STK24: variants seen among roughly 807,000 people sequenced by gnomAD.
STK24 encodes serine/threonine-protein kinase 24.
STK24 carries 21 observed loss-of-function variants against 55.6 expected under a neutral mutation model. The ratio of observed to expected loss-of-function variants is 0.38; its 90% CI spans 0.27 to 0.54. The LOEUF is 0.54. Ranked by LOEUF, STK24 falls within the 20% of genes least tolerant of loss-of-function variation. STK24 has a pLI of 0.79. For missense variants in STK24, 383 were observed against 538.4 expected (o/e 0.71, Z 2.86); for synonymous variants, 200 against 215.2 (o/e 0.93, Z 0.62).
intron 1 of STK24, among the ~76,000 whole-genome samples, chr13:98,529,754 T>C (rs1269902055): frequency 6.6e-6 from 1 of 152,086 alleles, no homozygotes; most frequent in African/African-American, 2.4e-5. Flanking sequence ...GTTGGGGTCC[T>C]AACACGAGGC....
At chr13:98,508,178 A>T (rs1398644757) in intron 2 of STK24, among the ~76,000 whole-genome samples, 6 of 152,280 alleles carry the variant, frequency 3.9e-5, no homozygotes, top group African/African-American at 9.6e-5. Flanking sequence ...AAAAAAAATA[A>T]ATATATTTGT....
Position 98,568,150 on chromosome 13 carries a change from T to C in STK24, c.42+8595A>G, listed in dbSNP as rs564587126. On this transcript the variant is annotated intron_variant, in intron 1 of 10. Transcript: ENST00000539966. ...TAGCTGGGATTACAGGCGTGTATCA[T>C]CACGCCTGGCTAATTTTTGTGTTTT... 9.2e-5 allele frequency among the ~76,000 whole-genome samples: 14 copies of C among 152,202 alleles called. No individual in the cohort carries two copies. In the East Asian group the frequency reaches 2.7e-3, roughly 29 times the overall value.
chr13:98,562,337 C>G (rs999669105), intron 1 of STK24, among the ~76,000 whole-genome samples: 3 of 152,132 alleles, frequency 2.0e-5, no homozygotes, highest in African/African-American at 7.2e-5. Flanking sequence ...TCACATGATT[C>G]TTTTATAGAC....
At chr13:98,564,766 G>A (rs543448255) in intron 1 of STK24, among the ~76,000 whole-genome samples, 29 of 152,092 alleles carry the variant, frequency 1.9e-4, no homozygotes, top group Non-Finnish European at 3.7e-4. Flanking sequence ...CAAGTGGCAC[G>A]CAGTAGCATA....
At chr13:98,494,089 G>A (rs1182565912) in intron 2 of STK24, among the ~76,000 whole-genome samples, 3 of 146,832 alleles carry the variant, frequency 2.0e-5, no homozygotes, top group African/African-American at 5.0e-5. Flanking sequence ...TGATCCGCCC[G>A]CCTCGGCCTC....
Position 98,446,162 on chromosome 13 carries a change from T to G in STK24, c.*7011A>C, listed in dbSNP as rs1377971953. 1.9e-6 allele frequency: 3 copies of G among 1,613,922 alleles called. No homozygotes were observed. Among genetic ancestry groups the G allele is most frequent in the Non-Finnish European group, 2.5e-6 (3 of 1,179,850 alleles). On this transcript the variant is annotated 3_prime_UTR_variant, in exon 11 of 11. Transcript: ENST00000539966. ...AGCAACGGGTGGCAGAAGCTGTGGGTGGTGTTCACAAACTTCTGCCTGTTC... is the reference window on the plus strand; with the variant it reads ...AGCAACGGGTGGCAGAAGCTGTGGGGGGTGTTCACAAACTTCTGCCTGTTC...
At chr13:98,460,622 CAA>C (rs1893663309) in intron 8 of STK24, among the ~76,000 whole-genome samples, 182 bp from the exon 9 acceptor site, 2 of 152,186 alleles carry the variant, frequency 1.3e-5, no homozygotes, top group South Asian at 4.1e-4. Context: ...CACTAGACTT[CAA>C]AGTTTCATCT....
chr13:98,551,436 C>T (rs182146659), intron 1 of STK24, among the ~76,000 whole-genome samples: 165 of 152,084 alleles, frequency 1.1e-3, no homozygotes, highest in African/African-American at 3.6e-3. Context: ...TTGGAACCCC[C>T]GTCATACTTT....
At chr13:98,501,427 G>A (rs942106584) in intron 2 of STK24, among the ~76,000 whole-genome samples, 47 of 152,248 alleles carry the variant, frequency 3.1e-4, no homozygotes, top group African/African-American at 1.1e-3. Flanking sequence ...CCCAGGAACT[G>A]AGGAGGCTGC....
chr13:98,574,152 C>G (rs1436070289), intron 1 of STK24, among the ~76,000 whole-genome samples: 1 of 152,138 alleles, frequency 6.6e-6, no homozygotes, highest in Non-Finnish European at 1.5e-5. Context: ...GCTGGGATTA[C>G]AGGCGTGTGC....
At position 98,568,257 on chromosome 13, in the gene STK24, A is replaced by C. The variant is rs184550063; in HGVS notation, c.42+8488T>G. On this transcript the variant is annotated intron_variant, in intron 1 of 10. Coordinates refer to ENST00000539966, the MANE Select transcript of STK24 (RefSeq NM_001032296.4). ...AATGATCCACCCGCTTCGGCCTCCC[A>C]AAGTGCTGAGATTACAGGCATGAGC... Among the ~76,000 whole-genome samples, 1,315 of 152,048 alleles carry C rather than the reference A, an allele frequency of 8.6e-3. 26 individuals are homozygous for C. Among genetic ancestry groups the C allele is most frequent in the African/African-American group, 0.029 (1,209 of 41,504 alleles).
intron 2 of STK24, among the ~76,000 whole-genome samples, chr13:98,501,208 C>T (rs564062959): frequency 1.3e-5 from 2 of 152,318 alleles, no homozygotes; most frequent in African/African-American, 4.8e-5. Flanking sequence ...ACAGCCTCAC[C>T]GCGGAGTCAC....
chr13:98,470,316 A>T (rs1421126325), intron 5 of STK24, among the ~76,000 whole-genome samples: 3 of 150,954 alleles, frequency 2.0e-5, no homozygotes, highest in South Asian at 2.2e-4. Context: ...CGGGGGGGCA[A>T]GGGGGGGTCT....
In STK24 at chr13:98,445,914, AGTGAT is replaced by A; in HGVS notation, c.*7254_*7258del. 1 of 547,636 alleles carries A rather than the reference AGTGAT, an allele frequency of 1.8e-6. No homozygotes were observed. 33.9% of individuals were successfully genotyped at this position (547,636 alleles called of 1,614,324 possible). ...TGCCCCACAGCAAGTGACAAGGGGA[AGTGAT>A]GAGATCAGGGTCCCAGGACCTGCCA... On this transcript the variant is annotated 3_prime_UTR_variant, in exon 11 of 11. Coordinates refer to ENST00000539966, the MANE Select transcript of STK24 (RefSeq NM_001032296.4).
At chr13:98,561,786 G>C (rs753217092) in intron 1 of STK24, among the ~76,000 whole-genome samples, 7 of 151,758 alleles carry the variant, frequency 4.6e-5, no homozygotes, top group African/African-American at 1.7e-4. Context: ...CAACCAGCCC[G>C]GCCAACATGC....
At chr13:98,489,475 C>T (rs1424219246) in intron 2 of STK24, among the ~76,000 whole-genome samples, 1 of 152,192 alleles carries the variant, frequency 6.6e-6, no homozygotes, top group Non-Finnish European at 1.5e-5. Context: ...CTACTAGGTA[C>T]CCAGGGTGGC....
intron 1 of STK24, among the ~76,000 whole-genome samples, chr13:98,530,891 G>A (rs747321044): frequency 2.0e-5 from 3 of 152,148 alleles, no homozygotes; most frequent in East Asian, 1.9e-4. Flanking sequence ...TCACTAACTC[G>A]CTGGCCATAA....
chr13:98,565,433 G>T (rs945728297), intron 1 of STK24, among the ~76,000 whole-genome samples: 1 of 152,198 alleles, frequency 6.6e-6, no homozygotes, highest in South Asian at 2.1e-4. Flanking sequence ...CTTGAGACCA[G>T]CCTGGCCAAC....
intron 2 of STK24, among the ~76,000 whole-genome samples, chr13:98,505,930 T>C (rs575320174): frequency 5.3e-5 from 8 of 152,318 alleles, no homozygotes; most frequent in African/African-American, 1.9e-4. Flanking sequence ...ATATCAAACA[T>C]ACAAAGAAAG....
Sources: allele counts gnomAD v4.1 joint callset (sites outside exome capture counted in the v4.1 genomes callset), GRCh38; gene constraint gnomAD v4.1.1; transcripts MANE v1.5; gene names NCBI Gene and HGNC (gene_info 2026-07-23, HGNC 2026-07-21).